Variants in CELF2 observed in about 807,000 individuals in gnomAD.
The protein encoded by CELF2 is CUG triplet repeat RNA-binding protein 2.
Under a neutral mutation model 62.6 loss-of-function variants are expected in CELF2, and 8 were observed. The observed-to-expected ratio is 0.13, with a 90% CI of 0.07 to 0.23. The LOEUF (loss-of-function observed/expected upper bound fraction) is 0.23. CELF2 is among the 10% of genes least tolerant of loss of function. The probability of loss-of-function intolerance (pLI) is 1.00; values close to 1 mark genes in which losing one functional copy is unlikely to be tolerated. For missense variants in CELF2, 333 were observed against 671.0 expected, an observed-to-expected ratio of 0.50 and a Z score of 5.56; for synonymous variants, 258 against 250.0, an observed-to-expected ratio of 1.03 and a Z score of -0.30.
At chr10:10,512,034 T>C in the CELF2 span, among the ~76,000 whole-genome samples, 1 of 152,230 alleles carries the variant, frequency 6.6e-6, no homozygotes, top group Non-Finnish European at 1.5e-5. Context: ...CACAGGGATG[T>C]CAAAATCAGT....
chr10:10,962,519 T>C (rs544596647), intron 2 of CELF2, among the ~76,000 whole-genome samples: 1 of 152,230 alleles, frequency 6.6e-6, no homozygotes, highest in South Asian at 2.1e-4. Context: ...GGCCAGGAGT[T>C]CAAGACCAGC....
the CELF2 span, among the ~76,000 whole-genome samples, chr10:10,553,427 A>G: frequency 2.6e-5 from 4 of 152,140 alleles, no homozygotes; most frequent in South Asian, 8.3e-4. Flanking sequence ...TCCTGACCTC[A>G]TTTAAAACCT....
Position 11,117,415 on chromosome 10 carries a change from C to T in CELF2, c.75-48071C>T, listed in dbSNP as rs1271328378. On this transcript the variant is annotated intron_variant, in intron 1 of 12. Transcript: ENST00000633077. This position sits in a 1 kb window ranked among gnomAD's most constrained non-coding sequence, Gnocchi z 4.1. ...TTGGTTAGGTATCATTCGAAAAAGC[C>T]AGTGGCTCTCCAGGAATGAAGATGC... Among the ~76,000 whole-genome samples, 2 of 152,158 alleles carry T rather than the reference C, an allele frequency of 1.3e-5. No homozygotes were observed. The highest frequency in any genetic ancestry group is 2.4e-5 in the African/African-American group (1 of 41,430).
chr10:11,276,013 A>G (rs1264120556), intron 8 of CELF2, among the ~76,000 whole-genome samples: 6 of 152,242 alleles, frequency 3.9e-5, no homozygotes, highest in Non-Finnish European at 8.8e-5. Flanking sequence ...GTGTTAATCA[A>G]GGACACCCTG....
chr10:10,633,985 TGTTATA>T, the CELF2 span, among the ~76,000 whole-genome samples: 1 of 152,064 alleles, frequency 6.6e-6, no homozygotes, highest in Non-Finnish European at 1.5e-5. Flanking sequence ...TATTTTAAAT[TGTTATA>T]GTTATTTTAT....
chr10:10,539,980 T>G, the CELF2 span, among the ~76,000 whole-genome samples: 1 of 152,190 alleles, frequency 6.6e-6, no homozygotes, highest in South Asian at 2.1e-4. Flanking sequence ...ACAAATTATT[T>G]CCATCGAGGT....
intron 7 of CELF2, among the ~76,000 whole-genome samples, chr10:11,273,116 C>T (rs1017274290): frequency 6.6e-6 from 1 of 152,106 alleles, no homozygotes; most frequent in African/African-American, 2.4e-5. Flanking sequence ...GATGACTGAA[C>T]ACAGACTTTT....
chr10:10,982,819 C>G (rs2052301039), intron 2 of CELF2, among the ~76,000 whole-genome samples: 1 of 152,160 alleles, frequency 6.6e-6, no homozygotes. Context: ...TTGCCCATAA[C>G]TACCCTCAAA....
chr10:10,873,392 T>C (rs2060883212), intron 1 of CELF2, among the ~76,000 whole-genome samples: 1 of 152,210 alleles, frequency 6.6e-6, no homozygotes, highest in African/African-American at 2.4e-5. Flanking sequence ...GGGGTAACAG[T>C]ATTAGTGATA....
Position 11,334,742 on chromosome 10 carries a change from G to T in CELF2, c.*5689G>T, listed in dbSNP as rs2096087434. 1 of 152,196 alleles carries T rather than the reference G, an allele frequency of 6.6e-6. No homozygotes were observed. Among genetic ancestry groups the T allele is most frequent in the East Asian group, 1.9e-4 (1 of 5,184 alleles). The allele number at this position is 152,196 out of a possible 1,614,324, so 9.4% of individuals were successfully genotyped here. On this transcript the variant is annotated 3_prime_UTR_variant, in exon 13 of 13. Coordinates refer to ENST00000633077, the MANE Select transcript of CELF2 (RefSeq NM_001326342.2). ...AACATACATTCCAAACTGCTGCGGGGTTTCCTCTCCACACCCACGAGGCCA... is the reference window on the plus strand; with the variant it reads ...AACATACATTCCAAACTGCTGCGGGTTTTCCTCTCCACACCCACGAGGCCA...
At chr10:10,502,130 A>T in the CELF2 span, among the ~76,000 whole-genome samples, 12 of 152,184 alleles carry the variant, frequency 7.9e-5, 1 homozygote, top group South Asian at 2.5e-3. Context: ...TTGATATATA[A>T]TTCTTCATAT....
At position 10,938,673 on chromosome 10, in the gene CELF2, AAAG is replaced by A. The variant is rs1382776805; in HGVS notation, c.89+18679_89+18681del. Among the ~76,000 whole-genome samples the A allele has an allele frequency of 2.6e-5, 4 of 152,112 alleles. No individual in the cohort carries two copies. In the East Asian group the frequency reaches 5.8e-4, roughly 22 times the overall value. ...GTTTGTAGGTTCACTGAATTTCCCC[AAAG>A]AAGATCCTGAGACAAGAATTTGAGT... On this transcript the variant is annotated intron_variant, in intron 2 of 13. Transcript: ENST00000636488. The surrounding 1 kb of genome is among the most constrained non-coding windows in gnomAD (Gnocchi z 4.2).
rs141530019 is a variant in CELF2, at chr10:11,073,012, T to C, written c.74+54849T>C. On this transcript the variant is annotated intron_variant, in intron 1 of 12. Coordinates refer to ENST00000633077, the MANE Select transcript of CELF2 (RefSeq NM_001326342.2). The stretch of plus-strand genomic sequence containing the variant: ...ATAAGTTATTACACAAATCACACTC[T>C]TATTGTACAACATACTACTAATACA... 7.3e-4 allele frequency among the ~76,000 whole-genome samples: 111 copies of C among 152,152 alleles called. 5 individuals are homozygous for C. The East Asian group carries it at 0.018, about 25-fold the overall frequency.
the CELF2 span, among the ~76,000 whole-genome samples, chr10:10,593,637 A>G: frequency 6.6e-6 from 1 of 152,218 alleles, no homozygotes; most frequent in East Asian, 1.9e-4. Flanking sequence ...AGGGAAGACC[A>G]TTGAGGGTCC....
At chr10:10,747,407 C>T in the CELF2 span, among the ~76,000 whole-genome samples, 8 of 152,066 alleles carry the variant, frequency 5.3e-5, no homozygotes, top group African/African-American at 1.7e-4. Context: ...AGTAAAGAAA[C>T]GCACTTGCAA....
chr10:10,672,913 C>G, the CELF2 span, among the ~76,000 whole-genome samples: 1 of 151,996 alleles, frequency 6.6e-6, no homozygotes, highest in African/African-American at 2.4e-5. Flanking sequence ...ATTGAGTCTT[C>G]CTGTCTATGA....
At chr10:10,763,537 G>A in the CELF2 span, among the ~76,000 whole-genome samples, 1 of 152,216 alleles carries the variant, frequency 6.6e-6, no homozygotes, top group Non-Finnish European at 1.5e-5. Flanking sequence ...GAGCTGCCCT[G>A]TGTATGTGAG....
intron 1 of CELF2, among the ~76,000 whole-genome samples, chr10:10,799,970 C>A (rs1355159137): frequency 6.6e-6 from 1 of 152,174 alleles, no homozygotes; most frequent in Admixed American, 6.5e-5. Flanking sequence ...GACCAGAACC[C>A]AAACAGGAAA....
the CELF2 span, among the ~76,000 whole-genome samples, chr10:10,532,339 G>A: frequency 1.3e-5 from 2 of 152,236 alleles, no homozygotes; most frequent in Non-Finnish European, 2.9e-5. Context: ...TTGTTGCTGG[G>A]ATGATGATTG....
Sources: allele counts gnomAD v4.1 joint callset (sites outside exome capture counted in the v4.1 genomes callset), GRCh38; gene constraint gnomAD v4.1.1; non-coding constraint Gnocchi (gnomAD v3.1); transcripts MANE v1.5; gene names NCBI Gene and HGNC (gene_info 2026-07-23, HGNC 2026-07-21).